Variants in JAZF1 observed in about 807,000 individuals in gnomAD.
JAZF1 encodes the protein JAZF zinc finger 1, also known as juxtaposed with another zinc finger protein 1.
In JAZF1, 8 loss-of-function variants were observed where a neutral mutation model predicts 26.4. The ratio of observed to expected loss-of-function variants is 0.30; its 90% confidence interval spans 0.18 to 0.55. JAZF1 has a LOEUF of 0.55. Ranked by LOEUF, JAZF1 falls within the 20% of genes least tolerant of loss-of-function variation. The probability of loss-of-function intolerance (pLI) is 0.94; values close to 1 mark genes in which losing one functional copy is unlikely to be tolerated. For missense variants in JAZF1, 199 were observed against 322.0 expected (o/e 0.62, Z 2.92); for synonymous variants, 126 against 122.3 (o/e 1.03, Z -0.20).
intron 1 of JAZF1, among the ~76,000 whole-genome samples, chr7:28,103,400 G>A (rs1217872407): frequency 2.0e-5 from 3 of 151,996 alleles, no homozygotes; most frequent in Non-Finnish European, 2.9e-5. Flanking sequence ...TACTATGATC[G>A]CGCCTCTGAA....
At chr7:28,033,473 A>G (rs1421133204) in intron 1 of JAZF1, among the ~76,000 whole-genome samples, 1 of 152,120 alleles carries the variant, frequency 6.6e-6, no homozygotes, top group Non-Finnish European at 1.5e-5. Context: ...GAAGGCTCCA[A>G]AGTTATTTGG....
At chr7:28,087,064 ACAAT>A (rs1019670056) in intron 1 of JAZF1, among the ~76,000 whole-genome samples, 3 of 152,212 alleles carry the variant, frequency 2.0e-5, no homozygotes, top group African/African-American at 7.2e-5. Flanking sequence ...AACGTTATAA[ACAAT>A]CAGTTTTATG....
At chr7:28,011,969 A>G (rs1782807115) in intron 1 of JAZF1, among the ~76,000 whole-genome samples, 1 of 152,214 alleles carries the variant, frequency 6.6e-6, no homozygotes, top group African/African-American at 2.4e-5. Flanking sequence ...AAAAACTTCC[A>G]TGTTTTCATT....
rs532575548 is a variant in JAZF1, at chr7:28,036,202, T to G, written c.116-44221A>C. ...CCAGTCATTTTAACATGCAGCACTCTGCAATAATTATGATTCCATTATACA... is the reference window on the plus strand; with the variant it reads ...CCAGTCATTTTAACATGCAGCACTCGGCAATAATTATGATTCCATTATACA... On this transcript the variant is annotated intron_variant, in intron 1 of 4. Coordinates refer to ENST00000283928, the MANE Select transcript of JAZF1 (RefSeq NM_175061.4). Among the ~76,000 whole-genome samples, 6 of 152,364 alleles carry G rather than the reference T, an allele frequency of 3.9e-5. No homozygotes were observed. The South Asian group carries it at 1.2e-3, about 32-fold the overall frequency.
At chr7:27,879,495 T>C (rs544848324) in intron 3 of JAZF1, among the ~76,000 whole-genome samples, 117 of 152,304 alleles carry the variant, frequency 7.7e-4, no homozygotes, top group Admixed American at 2.2e-3. Context: ...ACTGATACGC[T>C]TTAGTATCTT....
chr7:27,848,746 G>GT (rs1352683145), intron 3 of JAZF1, among the ~76,000 whole-genome samples: 1 of 152,176 alleles, frequency 6.6e-6, no homozygotes, highest in African/African-American at 2.4e-5. Flanking sequence ...CAAAATGCCT[G>GT]TTTTTTGATT....
In JAZF1 at chr7:27,832,782, A is replaced by C; in HGVS notation, c.*18T>G. ...CAACTGCTGGTGAGGATTTCTTGGC[A>C]CAGTTATGACCAGCATGTTATTGCT... is the stretch of plus-strand genomic sequence containing the variant. On this transcript the variant is annotated 3_prime_UTR_variant, in exon 5 of 5. Transcript: ENST00000283928. The C allele has an allele frequency of 6.8e-7, 1 of 1,460,746 alleles. No homozygotes were observed. 90.5% of individuals were successfully genotyped at this position (1,460,746 alleles called of 1,614,324 possible).
chr7:27,983,448 T>C (rs1436658267), intron 2 of JAZF1, among the ~76,000 whole-genome samples: 1 of 152,152 alleles, frequency 6.6e-6, no homozygotes, highest in African/African-American at 2.4e-5. Flanking sequence ...TACAGGACTA[T>C]GTGAAAAGAC....
intron 1 of JAZF1, among the ~76,000 whole-genome samples, chr7:28,097,482 A>C (rs1784403968): frequency 6.6e-6 from 1 of 152,258 alleles, no homozygotes; most frequent in Admixed American, 6.5e-5. Flanking sequence ...TAGTTAAGCC[A>C]AATTCCTGCC....
At chr7:28,154,901 T>C (rs1783157466) in intron 1 of JAZF1, among the ~76,000 whole-genome samples, 1 of 150,280 alleles carries the variant, frequency 6.7e-6, no homozygotes, top group South Asian at 2.1e-4. Flanking sequence ...ATATTCAAAA[T>C]AGACAAAACA....
At chr7:28,101,665 G>A (rs1460655843) in intron 1 of JAZF1, among the ~76,000 whole-genome samples, 1 of 151,380 alleles carries the variant, frequency 6.6e-6, no homozygotes, top group Non-Finnish European at 1.5e-5. Context: ...GATTGCTTGA[G>A]CCCAGGAGGT....
At chr7:27,876,315 T>A (rs1783679001) in intron 3 of JAZF1, among the ~76,000 whole-genome samples, 1 of 152,206 alleles carries the variant, frequency 6.6e-6, no homozygotes, top group Non-Finnish European at 1.5e-5. Flanking sequence ...AATCTTGATT[T>A]TTGGTATTTC....
intron 1 of JAZF1, among the ~76,000 whole-genome samples, chr7:28,069,661 C>T (rs1469531127): frequency 1.3e-5 from 2 of 152,084 alleles, no homozygotes; most frequent in Non-Finnish European, 2.9e-5. Context: ...ACATAATGAC[C>T]TAAGGGGGGA....
At chr7:27,937,007 C>T (rs1294746082) in intron 2 of JAZF1, among the ~76,000 whole-genome samples, 1 of 152,122 alleles carries the variant, frequency 6.6e-6, no homozygotes, top group Non-Finnish European at 1.5e-5. Flanking sequence ...TTTAGTTTTG[C>T]TCTATTTGTT....
rs1372709598 is a variant in JAZF1 at position 27,915,419 on chromosome 7, A to G, written c.189-20003T>C. The stretch of plus-strand genomic sequence containing the variant: ...GCAAACTAGTCTTTACTCACTGGTA[A>G]CAATAGATCTTTCATGGGTTATTGC... On this transcript the variant is annotated intron_variant, in intron 2 of 4. Coordinates refer to ENST00000283928, the MANE Select transcript of JAZF1 (RefSeq NM_175061.4). 2.0e-5 allele frequency among the ~76,000 whole-genome samples: 3 copies of G among 152,338 alleles called. No individual in the cohort carries two copies. The East Asian group carries it at 5.8e-4, about 29-fold the overall frequency.
chr7:27,912,405 A>G (rs1291102226), intron 2 of JAZF1, among the ~76,000 whole-genome samples: 1 of 152,120 alleles, frequency 6.6e-6, no homozygotes, highest in Non-Finnish European at 1.5e-5. Context: ...AAGACCTGAG[A>G]CCAAACTGGG....
intron 1 of JAZF1, among the ~76,000 whole-genome samples, chr7:28,138,738 T>C (rs779107216): frequency 6.6e-6 from 1 of 152,200 alleles, no homozygotes; most frequent in Non-Finnish European, 1.5e-5. Context: ...CTGACAGTCC[T>C]GGAAGGAAAC....
chr7:27,957,221 C>T (rs1314295148), intron 2 of JAZF1, among the ~76,000 whole-genome samples: 1 of 152,174 alleles, frequency 6.6e-6, no homozygotes, highest in Admixed American at 6.5e-5. Context: ...ATCAGTTGGC[C>T]ACATTTATTC....
At chr7:27,934,010 G>C (rs1784725944) in intron 2 of JAZF1, among the ~76,000 whole-genome samples, 1 of 152,216 alleles carries the variant, frequency 6.6e-6, no homozygotes, top group African/African-American at 2.4e-5. Flanking sequence ...CTTCCATTTA[G>C]GAAGTCAACC....
Sources: allele counts gnomAD v4.1 joint callset (sites outside exome capture counted in the v4.1 genomes callset), GRCh38; gene constraint gnomAD v4.1.1; transcripts MANE v1.5; gene names NCBI Gene and HGNC (gene_info 2026-07-23, HGNC 2026-07-21).